Variants in CLIC6 observed in about 807,000 individuals in gnomAD.
CLIC6 encodes the protein chloride intracellular channel protein 6.
CLIC6 carries 39 observed loss-of-function variants against 49.2 expected under a neutral mutation model. That is an observed-to-expected ratio of 0.79 (90% CI 0.61 to 1.04). CLIC6 has a LOEUF of 1.04. Among genes scored for constraint, CLIC6 ranks in the 50% least tolerant of loss-of-function variants. The probability of loss-of-function intolerance (pLI) is 0.00; values close to 1 mark genes in which losing one functional copy is unlikely to be tolerated. For synonymous variants in CLIC6, 446 were observed against 433.4 expected, an observed-to-expected ratio of 1.03 and a Z score of -0.36; for missense variants, 988 against 993.1, an observed-to-expected ratio of 0.99 and a Z score of 0.07.
rs112085378 is a variant in CLIC6 at position 34,687,212 on chromosome 21, G to A, written c.1374+16450G>A. ...GGGGCAATCAGAGGAAAGGAAGGAG[G>A]CTCCATGCAGCCAGTTCTTCCATTT... On this transcript the variant is annotated intron_variant, in intron 1 of 5. Coordinates refer to ENST00000349499, the MANE Select transcript of CLIC6 (RefSeq NM_053277.3). Among the ~76,000 whole-genome samples, 13 of 152,208 alleles carry A rather than the reference G, an allele frequency of 8.5e-5. 1 individual carries two copies. The highest frequency in any genetic ancestry group is 2.9e-4 in the African/African-American group (12 of 41,532).
rs117328394 is a variant in CLIC6, at chr21:34,712,494, C to T, written c.1899+2956C>T. Among the ~76,000 whole-genome samples the T allele has an allele frequency of 6.6e-5, 10 of 152,192 alleles. No individual in the cohort carries two copies. The East Asian group carries it at 1.9e-3, about 29-fold the overall frequency. ...GTAAAGAACACAGTCCTGAAATACC[C>T]AACTCAAACTTCTTTGCTTGAGGCC... On this transcript the variant is annotated intron_variant, in intron 5 of 5. Transcript: ENST00000349499.
Position 34,669,251 on chromosome 21 carries a change from AAACCTTT to A in CLIC6, c.-137_-131del. 1 of 694,972 alleles carries A rather than the reference AAACCTTT, an allele frequency of 1.4e-6. No individual in the cohort carries two copies. 43.1% of individuals were successfully genotyped at this position (694,972 alleles called of 1,614,324 possible). ...TGCGCAAGGCCCCAGTGCCCCGGCT[AAACCTTT>A]GCCGCAGGATCCCGGAGCCGGCGTC... On this transcript the variant is annotated 5_prime_UTR_variant, in exon 1 of 6. Transcript: ENST00000349499.
At chr21:34,681,565 A>T (rs1028113057) in intron 1 of CLIC6, among the ~76,000 whole-genome samples, 8 of 152,220 alleles carry the variant, frequency 5.3e-5, no homozygotes, top group African/African-American at 1.7e-4. Context: ...AGGGCTGGAT[A>T]ATCCACTTCC....
chr21:34,682,274 C>G (rs1408750226), intron 1 of CLIC6, among the ~76,000 whole-genome samples: 1 of 152,184 alleles, frequency 6.6e-6, no homozygotes, highest in Non-Finnish European at 1.5e-5. Context: ...GCTCCTCTGA[C>G]ACTATATCAG....
intron 1 of CLIC6, among the ~76,000 whole-genome samples, chr21:34,675,252 CAAAAAAAA>C (rs71196903): frequency 3.0e-5 from 3 of 100,986 alleles, no homozygotes; most frequent in African/African-American, 1.1e-4. Context: ...CCCGCCCCTC[CAAAAAAAA>C]AAAAAAAAAA....
In CLIC6 at chr21:34,716,488, G is replaced by A. The variant is rs372452162; in HGVS notation, c.*6G>A. On this transcript the variant is annotated 3_prime_UTR_variant, in exon 6 of 6. Transcript: ENST00000349499. ...TTGCAAAAAGAATGAAATGAAGCTG[G>A]GCTGTTTTCTGTCTTATTTCTCAGT... 1.0e-4 allele frequency: 167 copies of A among 1,602,276 alleles called. No individual in the cohort carries two copies. The highest frequency in any genetic ancestry group is 1.4e-4 in the Admixed American group (8 of 58,302).
intron 1 of CLIC6, among the ~76,000 whole-genome samples, chr21:34,687,027 C>T (rs1989895744): frequency 1.3e-5 from 2 of 152,182 alleles, no homozygotes; most frequent in Admixed American, 1.3e-4. Context: ...AAACCAGGTA[C>T]TCTAGGCTGA....
At position 34,669,209 on chromosome 21, in the gene CLIC6, G is replaced by A. The variant is rs1989469693; in HGVS notation, c.-180G>A. On this transcript the variant is annotated 5_prime_UTR_variant, in exon 1 of 6. Transcript: ENST00000349499. ...GCGCAGAGGCTTGGGGCCAAGCGGA[G>A]TTTGCCCTGCGGGTCCTGCGCAAGG... Among the ~76,000 whole-genome samples the A allele has an allele frequency of 6.6e-6, 1 of 152,190 alleles. No individual in the cohort carries two copies. The highest frequency in any genetic ancestry group is 2.4e-5 in the African/African-American group (1 of 41,458).
intron 1 of CLIC6, among the ~76,000 whole-genome samples, chr21:34,684,187 T>C (rs934131140): frequency 6.6e-6 from 1 of 152,184 alleles, no homozygotes; most frequent in African/African-American, 2.4e-5. Flanking sequence ...GCAGACATTG[T>C]GCTTGGGGCT....
intron 1 of CLIC6, among the ~76,000 whole-genome samples, chr21:34,697,216 C>T (rs999959127): frequency 7.9e-5 from 11 of 139,138 alleles, no homozygotes; most frequent in Non-Finnish European, 1.7e-4. Flanking sequence ...ACCTGTGCTA[C>T]GCCAGTGATT....
At chr21:34,708,617 G>A in intron 3 of CLIC6, 83 bp from the exon 4 acceptor site, 1 of 928,430 alleles carries the variant, frequency 1.1e-6, no homozygotes, top group East Asian at 2.6e-5. Context: ...TATGCCCAGA[G>A]AAAGCTGTTT....
intron 1 of CLIC6, among the ~76,000 whole-genome samples, chr21:34,703,596 AAGGCCT>A (rs1372062763): frequency 6.6e-6 from 1 of 152,204 alleles, no homozygotes; most frequent in Admixed American, 6.5e-5. Flanking sequence ...AATTAAGAAA[AAGGCCT>A]TTTTTCTAAA....
chr21:34,681,992 G>A (rs1473567585), intron 1 of CLIC6, among the ~76,000 whole-genome samples: 1 of 152,130 alleles, frequency 6.6e-6, no homozygotes, highest in Non-Finnish European at 1.5e-5. Flanking sequence ...CTCCTTATCA[G>A]TGCCTCTAGC....
intron 5 of CLIC6, 65 bp from the exon 6 acceptor site, chr21:34,716,256 T>A (rs2056084565): frequency 7.5e-7 from 1 of 1,336,812 alleles, no homozygotes; most frequent in Middle Eastern, 2.6e-4. Flanking sequence ...AAGAATGGAC[T>A]GTCTGACTTG....
intron 1 of CLIC6, among the ~76,000 whole-genome samples, chr21:34,694,622 G>A (rs933551488): frequency 2.0e-5 from 3 of 152,050 alleles, no homozygotes; most frequent in African/African-American, 7.2e-5. Context: ...TTCACCTTCT[G>A]CCATGATTGT....
chr21:34,710,271 C>A (rs913051872), intron 5 of CLIC6, among the ~76,000 whole-genome samples: 26 of 151,888 alleles, frequency 1.7e-4, no homozygotes, highest in Non-Finnish European at 2.9e-4. Context: ...GAGTGAGACC[C>A]CATCTCTAAA....
Position 34,708,778 on chromosome 21 carries a change from A to C in CLIC6, c.1689A>C (p.Ile563=). The C allele has an allele frequency of 6.2e-7, 1 of 1,613,826 alleles. No homozygotes were observed. The highest frequency in any genetic ancestry group is 1.1e-5 in the South Asian group (1 of 91,066). ...TGTTTGCCAAATTCTCAGCGTTTATAAAAAACACGAAGAAGGATGCAAATG... is the reference window on the plus strand; with the variant it reads ...TGTTTGCCAAATTCTCAGCGTTTATCAAAAACACGAAGAAGGATGCAAATG... ...NDVFAKFSAF[I]KNTKKDANEI... is the part of the protein sequence containing the mutation. Residue 563 remains isoleucine, a synonymous_variant, in exon 4 of 6, where the codon ATA becomes ATC. Transcript: ENST00000349499.
At chr21:34,694,418 A>G (rs1808306539) in intron 1 of CLIC6, among the ~76,000 whole-genome samples, 1 of 152,014 alleles carries the variant, frequency 6.6e-6, no homozygotes, top group Admixed American at 6.6e-5. Context: ...GCAATCCTCC[A>G]GTCTCAGCTT....
intron 1 of CLIC6, among the ~76,000 whole-genome samples, chr21:34,698,871 C>T (rs898662644): frequency 6.6e-6 from 1 of 152,114 alleles, no homozygotes; most frequent in Admixed American, 6.5e-5. Context: ...AGAGAGACCC[C>T]CCAGGCCCGA....
Sources: gnomAD v4.1 joint callset for allele counts (sites outside exome capture counted in the v4.1 genomes callset) on GRCh38, gnomAD v4.1.1 for gene constraint, MANE v1.5 for transcripts, NCBI Gene and HGNC (gene_info 2026-07-23, HGNC 2026-07-21) for gene names.